ASIC2: variants seen among roughly 807,000 people sequenced by gnomAD.
The protein encoded by ASIC2 is acid-sensing ion channel 2.
In ASIC2, 25 loss-of-function variants were observed where a neutral mutation model predicts 57.3. That is an observed-to-expected ratio of 0.44 (90% CI 0.32 to 0.61). The LOEUF is 0.61. Among genes scored for constraint, ASIC2 ranks in the 20% least tolerant of loss-of-function variants. ASIC2 has a pLI of 0.06. For missense variants in ASIC2, 641 were observed against 738.1 expected (o/e 0.87, Z 1.52); for synonymous variants, 319 against 307.5 (o/e 1.04, Z -0.39).
chr17:33,509,457 G>A (rs996989458), intron 1 of ASIC2, among the ~76,000 whole-genome samples: 6 of 152,158 alleles, frequency 3.9e-5, no homozygotes, highest in Non-Finnish European at 7.3e-5. Context: ...TCCCAAGTCT[G>A]GTTTCCTGAA....
At chr17:33,503,104 TG>T (rs1267537229) in intron 1 of ASIC2, among the ~76,000 whole-genome samples, 4 of 152,220 alleles carry the variant, frequency 2.6e-5, no homozygotes, top group Non-Finnish European at 5.9e-5. Flanking sequence ...ACAAGGTAAT[TG>T]GAAACGTCAA....
intron 1 of ASIC2, among the ~76,000 whole-genome samples, chr17:33,769,401 A>G (rs1273823547): frequency 2.6e-5 from 4 of 152,112 alleles, no homozygotes; most frequent in South Asian, 2.1e-4. Context: ...CCCTCACACA[A>G]GGGCCTGAGC....
chr17:33,404,218 TTGTTTCTGGGG>T (rs1392065265), intron 1 of ASIC2, among the ~76,000 whole-genome samples: 13 of 152,160 alleles, frequency 8.5e-5, no homozygotes, highest in Admixed American at 8.5e-4. Context: ...AACATGGGAT[TTGTTTCTGGGG>T]TGACGGAAAT....
intron 1 of ASIC2, among the ~76,000 whole-genome samples, chr17:34,034,002 C>T (rs1316693477): frequency 6.6e-6 from 1 of 152,216 alleles, no homozygotes; most frequent in Non-Finnish European, 1.5e-5. Context: ...TCCTCCCTAA[C>T]TCATTTTATG....
intron 3 of ASIC2, among the ~76,000 whole-genome samples, chr17:33,057,698 C>T (rs181706766): frequency 1.3e-5 from 2 of 152,342 alleles, no homozygotes; most frequent in East Asian, 1.9e-4. Flanking sequence ...CTGGAAACCC[C>T]GTGGAATGGT....
At chr17:34,029,383 A>G (rs1480199063) in intron 1 of ASIC2, among the ~76,000 whole-genome samples, 1 of 151,954 alleles carries the variant, frequency 6.6e-6, no homozygotes, top group African/African-American at 2.4e-5. Context: ...ACCAAAAAAA[A>G]AAAAAAAAAA....
In ASIC2 at chr17:33,291,412, G is replaced by A. The variant is rs780819929; in HGVS notation, c.704C>T (p.Ser235Phe). 6.3e-7 allele frequency: 1 copy of A among 1,598,280 alleles called. No homozygotes were observed. Among genetic ancestry groups the A allele is most frequent in the Non-Finnish European group, 8.5e-7 (1 of 1,172,074 alleles). Residue 235 changes from serine to phenylalanine, a missense_variant, in exon 1 of 10, where the codon TCC (serine) becomes TTC (phenylalanine). By Grantham distance (155) the Ser-to-Phe change is radical (BLOSUM62 -2). Around this residue, in one of 3 missense-constraint regions of ASIC2, gnomAD observed 382 missense variants for 398.0 expected, o/e 0.96. Coordinates refer to ENST00000225823, the MANE Select transcript of ASIC2 (RefSeq NM_183377.2). ...RGELCGPHNF[S>F]SVFTKYGKCY... ...TTCGCGCGGAGGGCAACTCACGGAG[G>A]AGAAGTTGTGCGGCCCGCAGAGCTC...
intron 1 of ASIC2, among the ~76,000 whole-genome samples, chr17:33,202,019 A>C (rs1906886489): frequency 4.5e-4 from 2 of 4,402 alleles, no homozygotes; most frequent in Non-Finnish European, 8.8e-4. Context: ...GACTGTCTCA[A>C]AAAAAAAAAA....
At position 33,037,412 on chromosome 17, in the gene ASIC2, T is replaced by TTTTTTTTTG. The variant is rs1555564724; in HGVS notation, c.988-9021_988-9020insCAAAAAAAA. On this transcript the variant is annotated intron_variant, in intron 3 of 9. Coordinates refer to ENST00000225823, the MANE Select transcript of ASIC2 (RefSeq NM_183377.2). The stretch of plus-strand genomic sequence containing the variant: ...CTCTTTTTTTTTTTTTTTTTTTTTT[T>TTTTTTTTTG]GCAGAGGTCATGATTCAGATACCCC... Among the ~76,000 whole-genome samples, 2 of 128,628 alleles carry TTTTTTTTTG rather than the reference T, an allele frequency of 1.6e-5. 1 individual carries two copies. Among genetic ancestry groups the TTTTTTTTTG allele is most frequent in the African/African-American group, 5.7e-5 (2 of 34,962 alleles). The allele number at this position is 128,628 out of a possible 152,430, so 84.4% of individuals were successfully genotyped here.
chr17:33,872,589 A>G (rs1914446238), intron 1 of ASIC2, among the ~76,000 whole-genome samples: 1 of 152,078 alleles, frequency 6.6e-6, no homozygotes, highest in African/African-American at 2.4e-5. Flanking sequence ...AGGTCTGGAG[A>G]ATCTCACACC....
intron 1 of ASIC2, among the ~76,000 whole-genome samples, chr17:33,822,479 A>C (rs1446397838): frequency 6.6e-6 from 1 of 152,142 alleles, no homozygotes; most frequent in East Asian, 1.9e-4. Context: ...CTTTTACTTT[A>C]TTTTAATAGA....
chr17:33,168,928 A>G (rs1048801568), intron 1 of ASIC2, among the ~76,000 whole-genome samples: 1 of 152,230 alleles, frequency 6.6e-6, no homozygotes, highest in African/African-American at 2.4e-5. Flanking sequence ...TAGAAAAAAG[A>G]TAGGTGCTAT....
intron 1 of ASIC2, among the ~76,000 whole-genome samples, chr17:33,588,084 A>G (rs1037781796): frequency 5.9e-5 from 9 of 152,190 alleles, no homozygotes; most frequent in Non-Finnish European, 1.3e-4. Context: ...AAACTCCACT[A>G]TGCAAGGGAC....
chr17:33,697,916 A>G (rs1433557110), intron 1 of ASIC2, among the ~76,000 whole-genome samples: 2 of 152,230 alleles, frequency 1.3e-5, no homozygotes, highest in Non-Finnish European at 2.9e-5. Context: ...GTGTCTTGAA[A>G]GGGCTTGATT....
chr17:33,381,336 G>T (rs990660287), intron 1 of ASIC2, among the ~76,000 whole-genome samples: 5 of 152,244 alleles, frequency 3.3e-5, no homozygotes, highest in Non-Finnish European at 5.9e-5. Context: ...GGCACCAAGA[G>T]CATGGGGGGA....
At position 33,567,868 on chromosome 17, in the gene ASIC2, GTC is replaced by G. The variant is rs553886213; in HGVS notation, c.556-455803_556-455802del. Among the ~76,000 whole-genome samples, 19 of 151,178 alleles carry G rather than the reference GTC, an allele frequency of 1.3e-4. 1 individual carries two copies. In the South Asian group the frequency reaches 4.0e-3, roughly 32 times the overall value. On this transcript the variant is annotated intron_variant, in intron 1 of 9. Coordinates refer to the ASIC2 transcript ENST00000359872. ...GGAGATTCCATGCATTTTTTTTTTG[GTC>G]TCTCTCCCCCACTCTACATAGCGCA... is the stretch of plus-strand genomic sequence containing the variant.
At chr17:34,059,490 T>C (rs1273824070) in intron 1 of ASIC2, among the ~76,000 whole-genome samples, 2 of 152,196 alleles carry the variant, frequency 1.3e-5, no homozygotes, top group Non-Finnish European at 2.9e-5. Context: ...AGAAGCCTCC[T>C]GGCCAGAACT....
intron 1 of ASIC2, among the ~76,000 whole-genome samples, chr17:33,836,911 A>C (rs1913291485): frequency 6.6e-6 from 1 of 152,170 alleles, no homozygotes; most frequent in African/African-American, 2.4e-5. Context: ...ATGAAATTTG[A>C]ATCTGAATCT....
chr17:33,970,178 T>C (rs62057451), intron 1 of ASIC2, among the ~76,000 whole-genome samples: 34,523 of 152,110 alleles, frequency 0.23, 4,311 homozygotes, highest in East Asian at 0.34. Context: ...CTCTACCCAC[T>C]AGATGCCAGT....
Sources: gnomAD v4.1 joint callset for allele counts (sites outside exome capture counted in the v4.1 genomes callset) on GRCh38, gnomAD v4.1.1 for gene constraint, gnomAD v4.1.1 regional missense constraint, MANE v1.5 for transcripts, NCBI Gene and HGNC (gene_info 2026-07-23, HGNC 2026-07-21) for gene names.